The following MIOX variants were observed in gnomAD, a reference collection of about 807,000 sequenced individuals.
The protein encoded by MIOX is inositol oxygenase.
A neutral mutation model predicts 42.7 loss-of-function variants in MIOX; 51 were observed. The observed-to-expected ratio is 1.19, with a 90% CI of 0.95 to 1.51. MIOX has a LOEUF of 1.51. Among genes scored for constraint, MIOX ranks in the 40% most tolerant of loss-of-function variants. MIOX has a pLI of 0.00. For synonymous variants in MIOX, 168 were observed against 154.4 expected (o/e 1.09, Z -0.65); for missense variants, 395 against 381.3 (o/e 1.04, Z -0.30).
rs746207160 is a variant in MIOX at position 50,487,969 on chromosome 22, G to C, written c.261G>C (p.Ser87=). Residue 87 remains serine (S), a synonymous_variant, in exon 4 of 10, where the codon TCG becomes TCC. Transcript: ENST00000216075. ...TGCTGGATGGGCTGGTGGATGAGTC[G>C]GACCCGGACGTAGATTTCCCCAACT... ...VDLLDGLVDE[S]DPDVDFPNSF... 1 of 1,613,876 alleles carries C rather than the reference G, an allele frequency of 6.2e-7. No homozygotes were observed. Among genetic ancestry groups the C allele is most frequent in the Non-Finnish European group, 8.5e-7 (1 of 1,179,942 alleles).
rs866256900 is a variant in MIOX at position 50,487,415 on chromosome 22, G to A, written c.46G>A (p.Asp16Asn). The change falls in exon 2 of 10, where the codon GAT (aspartate) becomes AAT (asparagine). Residue 16 changes from aspartate to asparagine, a missense_variant. Physicochemically the swap from Asp to Asn is conservative, Grantham distance 23. Transcript: ENST00000216075. ...GPDPSLVYRPDVDPEVAKDKA... is the reference protein window; with the variant it reads ...GPDPSLVYRPNVDPEVAKDKA... ...AGACCCTTCCCTGGTCTACCGACCTGATGTGGACCCAGAGGTGGCCAAAGA... is the reference window on the plus strand; with the variant it reads ...AGACCCTTCCCTGGTCTACCGACCTAATGTGGACCCAGAGGTGGCCAAAGA... 1 of 1,613,930 alleles carries A rather than the reference G, an allele frequency of 6.2e-7. No individual in the cohort carries two copies. The highest frequency in any genetic ancestry group is 2.2e-5 in the East Asian group (1 of 44,880).
intron 5 of MIOX, among the ~76,000 whole-genome samples, chr22:50,488,779 ATCCCTCCCGTCCCTCCTGTCCC>A (rs2068313369): frequency 5.9e-5 from 1 of 17,066 alleles, no homozygotes; most frequent in South Asian, 3.0e-3. Context: ...TGTCCCTCCC[ATCCCTCCCGTCCCTCCTGTCCC>A]TCCCGTCCCT....
At position 50,489,743 on chromosome 22, in the gene MIOX, T is replaced by C. The variant is rs2148637728; in HGVS notation, c.750-5T>C. 6.2e-7 allele frequency: 1 copy of C among 1,611,788 alleles called. No individual in the cohort carries two copies. Among genetic ancestry groups the C allele is most frequent in the African/African-American group, 1.3e-5 (1 of 74,958 alleles). On this transcript the variant is annotated splice_polypyrimidine_tract_variant and splice_region_variant and intron_variant, in intron 9 of 9. Coordinates refer to ENST00000216075, the MANE Select transcript of MIOX (RefSeq NM_017584.6). ...CACGGGGCTCACCGCCCCTCCCTGC[T>C]GCAGCAAGTTCGACCTCTACACCAA... is the stretch of plus-strand genomic sequence containing the variant.
At chr22:50,488,770 G>GTCCCTCCCGTCCCTCCCATCCCTCCCA (rs1556449438) in intron 5 of MIOX, among the ~76,000 whole-genome samples, 1 of 56,444 alleles carries the variant, frequency 1.8e-5, no homozygotes, top group African/African-American at 1.0e-4. Flanking sequence ...TGTCCCTCCT[G>GTCCCTCCCGTCCCTCCCATCCCTCCCA]TCCCTCCCAT....
Position 50,489,282 on chromosome 22 carries a change from CTGGGGCCATGATGG to C in MIOX, c.576_586+3del, listed in dbSNP as rs750323547. Reference sequence around the variant, plus strand: ...GTGGGCTCGACAGGGTCCTCATGTCCTGGGGCCATGATGGTGAGGCCAGAGGCGGGCAGTGGGGC... The same window carrying C: ...GTGGGCTCGACAGGGTCCTCATGTCCTGAGGCCAGAGGCGGGCAGTGGGGC... On this transcript the variant is annotated splice_donor_variant and coding_sequence_variant, in exon 7 of 10. Coordinates refer to ENST00000216075, the MANE Select transcript of MIOX (RefSeq NM_017584.6). LOFTEE classifies it high-confidence loss of function. The C allele has an allele frequency of 7.0e-7, 1 of 1,436,088 alleles. No individual in the cohort carries two copies. The highest frequency in any genetic ancestry group is 9.3e-7 in the Non-Finnish European group (1 of 1,080,758). The allele number at this position is 1,436,088 out of a possible 1,614,324, so 89.0% of individuals were successfully genotyped here.
Position 50,487,678 on chromosome 22 carries a change from A to T in MIOX, c.113A>T (p.Asp38Val). ...GGCCTGCAGTCAGGTCCCCTCCTGG[A>T]CCGTGTCTTCACCACCTACAAGCTC... is the stretch of plus-strand genomic sequence containing the variant. ...FRNYTSGPLL[D>V]RVFTTYKLMH... The change falls in exon 3 of 10, where the codon GAC (aspartate) becomes GTC (valine). Residue 38 changes from aspartate (D) to valine (V), a missense_variant. Transcript: ENST00000216075. 6.2e-7 allele frequency: 1 copy of T among 1,613,422 alleles called. No homozygotes were observed. The highest frequency in any genetic ancestry group is 2.2e-5 in the East Asian group (1 of 44,878).
In MIOX at chr22:50,487,376, C is replaced by A. The variant is rs951834315; in HGVS notation, c.16-9C>A. ...ATGGTGAAATAGGTTCAATCCTCCA[C>A]CTACCCAGGGCCCAGACCCTTCCCT... is the stretch of plus-strand genomic sequence containing the variant. On this transcript the variant is annotated splice_polypyrimidine_tract_variant and intron_variant, in intron 1 of 9. Transcript: ENST00000216075. The A allele has an allele frequency of 6.2e-7, 1 of 1,608,698 alleles. No individual in the cohort carries two copies. The highest frequency in any genetic ancestry group is 8.5e-7 in the Non-Finnish European group (1 of 1,177,366).
In MIOX at chr22:50,486,919, A is replaced by G. The variant is rs1272624376; in HGVS notation, c.15+7A>G. Reference sequence around the variant, plus strand: ...CAGGATGAAGGTGACGGTGGTGAGTACCCAGACCCCATGCAGAGAGGCTCT... The same window carrying G: ...CAGGATGAAGGTGACGGTGGTGAGTGCCCAGACCCCATGCAGAGAGGCTCT... On this transcript the variant is annotated splice_region_variant and intron_variant, in intron 1 of 9. Coordinates refer to ENST00000216075, the MANE Select transcript of MIOX (RefSeq NM_017584.6). 6.2e-7 allele frequency: 1 copy of G among 1,613,572 alleles called. No individual in the cohort carries two copies. The highest frequency in any genetic ancestry group is 1.3e-5 in the African/African-American group (1 of 74,888).
rs1209845703 is a variant in MIOX, at chr22:50,487,390, A to G, written c.21A>G (p.Pro7=). 1 of 1,613,216 alleles carries G rather than the reference A, an allele frequency of 6.2e-7. No individual in the cohort carries two copies. Among genetic ancestry groups the G allele is most frequent in the Non-Finnish European group, 8.5e-7 (1 of 1,179,574 alleles). ...TCAATCCTCCACCTACCCAGGGCCC[A>G]GACCCTTCCCTGGTCTACCGACCTG... is the stretch of plus-strand genomic sequence containing the variant. MKVTVG[P]DPSLVYRPDV... is the part of the protein sequence containing the mutation. The change falls in exon 2 of 10, where the codon CCA becomes CCG. Residue 7 remains proline (P), a synonymous_variant. Transcript: ENST00000216075.
chr22:50,488,932 ACTCCCCCCATGGCCGCCCG>A (rs2068318553), intron 5 of MIOX, 89 bp from the exon 6 acceptor site: 1 of 556,234 alleles, frequency 1.8e-6, no homozygotes, highest in Non-Finnish European at 2.8e-6. Context: ...ACCTTCCCCC[ACTCCCCCCATGGCCGCCCG>A]TCCCTCCTGT....
chr22:50,487,828 A>AG lies in MIOX; in HGVS notation c.178-56dup, dbSNP rs1404298036. 11 of 1,611,162 alleles carry AG rather than the reference A, an allele frequency of 6.8e-6. No homozygotes were observed. In the East Asian group the frequency reaches 2.5e-4, roughly 36 times the overall value. On this transcript the variant is annotated intron_variant, in intron 3 of 9. Transcript: ENST00000216075. Reference sequence around the variant, plus strand: ...CCCACCAGGCGCCGAGGGGATGGAGAGGCCTGTGTGGTGGGCCTGCTGACC... The same window carrying AG: ...CCCACCAGGCGCCGAGGGGATGGAGAGGGCCTGTGTGGTGGGCCTGCTGACC...
chr22:50,487,034 A>G (rs1205297058), intron 1 of MIOX, 122 bp downstream of exon 1: 5 of 1,312,476 alleles, frequency 3.8e-6, no homozygotes, highest in Non-Finnish European at 5.4e-6. Context: ...GGCAAGAGCC[A>G]GCGGCTGCCG....
Position 50,486,931 on chromosome 22 carries a change from T to A in MIOX, c.15+19T>A. The A allele has an allele frequency of 6.2e-7, 1 of 1,613,504 alleles. No individual in the cohort carries two copies. The highest frequency in any genetic ancestry group is 8.5e-7 in the Non-Finnish European group (1 of 1,179,916). On this transcript the variant is annotated intron_variant, in intron 1 of 9. Coordinates refer to ENST00000216075, the MANE Select transcript of MIOX (RefSeq NM_017584.6). ...GACGGTGGTGAGTACCCAGACCCCA[T>A]GCAGAGAGGCTCTGCTGACTGCTCT...
Position 50,489,058 on chromosome 22 carries a change from A to G in MIOX, c.427A>G (p.Thr143Ala), listed in dbSNP as rs1404811309. ...GEPQWAVVGD[T>A]FPVGCRPQAS... ...TCTGCAGTGGGCTGTCGTCGGCGACACCTTCCCCGTCGGATGCCGTCCGCA... is the reference window on the plus strand; with the variant it reads ...TCTGCAGTGGGCTGTCGTCGGCGACGCCTTCCCCGTCGGATGCCGTCCGCA... The change falls in exon 6 of 10, where the codon ACC (threonine) becomes GCC (alanine). Residue 143 changes from threonine (T) to alanine (A), a missense_variant. Thr to Ala is a moderately conservative substitution (Grantham distance 58). Transcript: ENST00000216075. 6.2e-7 allele frequency: 1 copy of G among 1,609,178 alleles called. No individual in the cohort carries two copies. The highest frequency in any genetic ancestry group is 8.5e-7 in the Non-Finnish European group (1 of 1,179,654).
Position 50,489,517 on chromosome 22 carries a change from T to C in MIOX, c.637-15T>C, listed in dbSNP as rs544521931. 6.2e-7 allele frequency: 1 copy of C among 1,612,348 alleles called. No homozygotes were observed. Among genetic ancestry groups the C allele is most frequent in the African/African-American group, 1.3e-5 (1 of 75,002 alleles). On this transcript the variant is annotated splice_polypyrimidine_tract_variant and intron_variant, in intron 8 of 9. Transcript: ENST00000216075. ...CTGCAGCCCCAAGTGAGCCGCTGGG[T>C]GGCCTTGCCCGCAGGCTTTCTACAT...
In MIOX at chr22:50,489,802, G is replaced by A. The variant is rs1603437916; in HGVS notation, c.804G>A (p.Arg268=). ...ACCTGCCGGACGTGGACAAGCTGCG[G>A]CCCTACTACCAGGGGCTCATTGACA... ...CPDLPDVDKL[R]PYYQGLIDKY... The change falls in exon 10 of 10, where the codon CGG becomes CGA. Residue 268 remains arginine (R), a synonymous_variant. Transcript: ENST00000216075. The A allele has an allele frequency of 6.2e-7, 1 of 1,612,066 alleles. No homozygotes were observed. Among genetic ancestry groups the A allele is most frequent in the East Asian group, 2.2e-5 (1 of 44,882 alleles).
At chr22:50,489,359 C>A in intron 7 of MIOX, 38 bp from the exon 8 acceptor site, 1 of 1,508,448 alleles carries the variant, frequency 6.6e-7, no homozygotes, top group Non-Finnish European at 8.8e-7. Context: ...GGCGGTGGGG[C>A]AGAGGCAGTG....
chr22:50,487,324 T>A, intron 1 of MIOX, 61 bp from the exon 2 acceptor site: 1 of 1,421,470 alleles, frequency 7.0e-7, no homozygotes, highest in East Asian at 2.3e-5. Context: ...CCTGGGAATG[T>A]CTGTGCTTCC....
Position 50,487,419 on chromosome 22 carries a change from T to C in MIOX, c.50T>C (p.Val17Ala), listed in dbSNP as rs1329982434. Residue 17 changes from valine (V) to alanine (A), a missense_variant, in exon 2 of 10, where the codon GTG becomes GCG. By Grantham distance (64) the Val-to-Ala change is moderately conservative (BLOSUM62 0). Coordinates refer to ENST00000216075, the MANE Select transcript of MIOX (RefSeq NM_017584.6). Reference protein sequence around the residue: ...PDPSLVYRPDVDPEVAKDKAS... With the variant: ...PDPSLVYRPDADPEVAKDKAS... ...CCTTCCCTGGTCTACCGACCTGATG[T>C]GGACCCAGAGGTGGCCAAAGACAAG... is the stretch of plus-strand genomic sequence containing the variant. 1.9e-6 allele frequency: 3 copies of C among 1,613,944 alleles called. No individual in the cohort carries two copies. The highest frequency in any genetic ancestry group is 2.2e-5 in the South Asian group (2 of 91,080).
Sources: gnomAD v4.1 joint callset for allele counts (sites outside exome capture counted in the v4.1 genomes callset) on GRCh38, gnomAD v4.1.1 for gene constraint, MANE v1.5 for transcripts, NCBI Gene and HGNC (gene_info 2026-07-23, HGNC 2026-07-21) for gene names.